MYO1E: variants seen among roughly 807,000 people sequenced by gnomAD.
The protein encoded by MYO1E is unconventional myosin-Ie.
In MYO1E, 68 loss-of-function variants were observed where a neutral mutation model predicts 151.1. That is an observed-to-expected ratio of 0.45 (90% CI 0.37 to 0.55). The LOEUF (loss-of-function observed/expected upper bound fraction) is 0.55, where lower values mean the gene tolerates loss of function less well. Ranked by LOEUF, MYO1E falls within the 20% of genes least tolerant of loss-of-function variation. The pLI is 0.00. For synonymous variants in MYO1E, 601 were observed against 501.7 expected, an observed-to-expected ratio of 1.20 and a Z score of -2.64; for missense variants, 1,363 against 1,389.3, an observed-to-expected ratio of 0.98 and a Z score of 0.30.
At chr15:59,284,158 A>G (rs2080373475) in intron 1 of MYO1E, among the ~76,000 whole-genome samples, 1 of 152,188 alleles carries the variant, frequency 6.6e-6, no homozygotes. Flanking sequence ...GGAGTGCCCA[A>G]TCTTTACTAG....
chr15:59,349,667 A>G (rs1301688880), intron 1 of MYO1E, among the ~76,000 whole-genome samples: 1 of 152,188 alleles, frequency 6.6e-6, no homozygotes, highest in African/African-American at 2.4e-5. Context: ...ACTTTCTGCA[A>G]AACAAAAACT....
chr15:59,207,477 C>T lies in MYO1E; in HGVS notation c.1530+1204G>A, dbSNP rs61740129. On this transcript the variant is annotated intron_variant, in intron 14 of 27. Coordinates refer to ENST00000288235, the MANE Select transcript of MYO1E (RefSeq NM_004998.4). Reference sequence around the variant, plus strand: ...CCAGTATTGTCCAGTACAGCCCCCACTGCAAACTGATTATTGTTTCCAATC... The same window carrying T: ...CCAGTATTGTCCAGTACAGCCCCCATTGCAAACTGATTATTGTTTCCAATC... 1,447 of 1,614,028 alleles carry T rather than the reference C, an allele frequency of 9.0e-4. 19 individuals carry two copies. The African/African-American group carries it at 0.017, about 19-fold the overall frequency.
intron 18 of MYO1E, among the ~76,000 whole-genome samples, chr15:59,182,381 T>G (rs180883065): frequency 1.3e-5 from 2 of 152,182 alleles, no homozygotes; most frequent in South Asian, 2.1e-4. Context: ...CCTGGCTAAT[T>G]TTTGTATTTT....
At chr15:59,336,839 C>T (rs545968639) in intron 1 of MYO1E, among the ~76,000 whole-genome samples, 41 of 151,082 alleles carry the variant, frequency 2.7e-4, no homozygotes, top group African/African-American at 8.0e-4. Flanking sequence ...TGAGAACATG[C>T]GGTGTTTGGT....
At chr15:59,349,525 G>T (rs8025242) in intron 1 of MYO1E, among the ~76,000 whole-genome samples, 17,998 of 152,116 alleles carry the variant, frequency 0.12, 1,280 homozygotes, top group East Asian at 0.29. Context: ...AGTTAGGGAG[G>T]AGGATGATGA....
intron 4 of MYO1E, among the ~76,000 whole-genome samples, chr15:59,251,340 T>A (rs1400062930): frequency 6.6e-6 from 1 of 152,120 alleles, no homozygotes; most frequent in African/African-American, 2.4e-5. Context: ...GTAAATGATG[T>A]CTGTAGGAAA....
intron 26 of MYO1E, among the ~76,000 whole-genome samples, chr15:59,141,161 T>A (rs953296314): frequency 6.6e-6 from 1 of 152,000 alleles, no homozygotes; most frequent in East Asian, 1.9e-4. Context: ...GCGGCGGGCA[T>A]TACAACACCC....
intron 5 of MYO1E, among the ~76,000 whole-genome samples, chr15:59,233,446 A>G (rs1410769318): frequency 8.5e-5 from 13 of 152,050 alleles, no homozygotes; most frequent in Admixed American, 7.2e-4. Context: ...CGGGCGGATC[A>G]TGAGGTCAAC....
intron 25 of MYO1E, among the ~76,000 whole-genome samples, chr15:59,157,570 T>C (rs2079515816): frequency 6.6e-6 from 1 of 152,160 alleles, no homozygotes; most frequent in Non-Finnish European, 1.5e-5. Context: ...GCCCAGCCTA[T>C]CCATGCTGTG....
intron 18 of MYO1E, among the ~76,000 whole-genome samples, chr15:59,184,234 C>T (rs1302685054): frequency 2.7e-5 from 4 of 150,254 alleles, no homozygotes; most frequent in East Asian, 2.0e-4. Flanking sequence ...CTCAAACTCC[C>T]GACCTCAAGT....
intron 1 of MYO1E, among the ~76,000 whole-genome samples, chr15:59,333,400 G>A (rs552674271): frequency 9.9e-5 from 15 of 152,092 alleles, no homozygotes; most frequent in Middle Eastern, 3.4e-3. Context: ...CCACCACCGC[G>A]CCTGGGTAAT....
intron 22 of MYO1E, among the ~76,000 whole-genome samples, chr15:59,165,384 A>C (rs1369687901): frequency 1.3e-5 from 2 of 152,198 alleles, no homozygotes; most frequent in Non-Finnish European, 2.9e-5. Flanking sequence ...GTAAAGTCAG[A>C]ACCCTTTACA....
chr15:59,158,832 G>A (rs2079522610), intron 24 of MYO1E, among the ~76,000 whole-genome samples: 1 of 152,224 alleles, frequency 6.6e-6, no homozygotes, highest in African/African-American at 2.4e-5. Flanking sequence ...ACGCAAGAGT[G>A]TGTGTTCTAC....
rs1243482686 is a variant in MYO1E at position 59,290,485 on chromosome 15, G to A, written c.4-18036C>T. Reference sequence around the variant, plus strand: ...GATCAGAGCTTTGGAGCCACCCTGCGACATCTTTGGGCCTCTGCCTTGTCT... The same window carrying A: ...GATCAGAGCTTTGGAGCCACCCTGCAACATCTTTGGGCCTCTGCCTTGTCT... On this transcript the variant is annotated intron_variant, in intron 1 of 27. Coordinates refer to ENST00000288235, the MANE Select transcript of MYO1E (RefSeq NM_004998.4). Among the ~76,000 whole-genome samples, 5 of 152,264 alleles carry A rather than the reference G, an allele frequency of 3.3e-5. No homozygotes were observed. The South Asian group carries it at 6.2e-4, about 19-fold the overall frequency.
At chr15:59,286,569 G>A (rs2080388839) in intron 1 of MYO1E, among the ~76,000 whole-genome samples, 2 of 152,042 alleles carry the variant, frequency 1.3e-5, no homozygotes, top group Admixed American at 6.5e-5. Flanking sequence ...GCGGGGGAAG[G>A]GTCTGGATGT....
rs75474765 is a variant in MYO1E at position 59,204,895 on chromosome 15, C to T, written c.1616+505G>A. 8.5e-3 allele frequency among the ~76,000 whole-genome samples: 1,293 copies of T among 152,234 alleles called. 21 individuals are homozygous for T. The highest frequency in any genetic ancestry group is 0.03 in the African/African-American group (1,242 of 41,522). ...TCCACTCTTAAATAGTCAGAAATGG[C>T]CATCCCAATCCAAAGCCAGTGGGCT... On this transcript the variant is annotated intron_variant, in intron 15 of 27. Transcript: ENST00000288235.
At chr15:59,231,395 C>CT in intron 6 of MYO1E, among the ~76,000 whole-genome samples, 1 of 152,328 alleles carries the variant, frequency 6.6e-6, no homozygotes, top group East Asian at 1.9e-4. Flanking sequence ...GAAAGAAGGT[C>CT]TTTTCTCTAG....
intron 26 of MYO1E, among the ~76,000 whole-genome samples, chr15:59,151,054 C>G (rs1195186571): frequency 6.9e-6 from 1 of 144,022 alleles, no homozygotes; most frequent in African/African-American, 2.7e-5. Flanking sequence ...CACACACGCG[C>G]GCGCGCGCAC....
chr15:59,305,426 C>T (rs1445104785), intron 1 of MYO1E, among the ~76,000 whole-genome samples: 1 of 152,102 alleles, frequency 6.6e-6, no homozygotes, highest in East Asian at 1.9e-4. Context: ...AACTCCTGAG[C>T]TCAAGTGATC....
Sources: gnomAD v4.1 joint callset for allele counts (sites outside exome capture counted in the v4.1 genomes callset) on GRCh38, gnomAD v4.1.1 for gene constraint, MANE v1.5 for transcripts, NCBI Gene and HGNC (gene_info 2026-07-23, HGNC 2026-07-21) for gene names.